QSER1: variants seen among roughly 807,000 people sequenced by gnomAD.
QSER1 encodes the protein glutamine and serine rich 1.
In QSER1, 49 loss-of-function variants were observed where a neutral mutation model predicts 158.5. That is an observed-to-expected ratio of 0.31 (90% confidence interval 0.25 to 0.39). QSER1 has a LOEUF of 0.39. Among genes scored for constraint, QSER1 ranks in the 10% least tolerant of loss-of-function variants. The probability of loss-of-function intolerance (pLI) is 1.00; values close to 1 mark genes in which losing one functional copy is unlikely to be tolerated. For synonymous variants in QSER1, 650 were observed against 715.5 expected, an observed-to-expected ratio of 0.91 and a Z score of 1.46; for missense variants, 1,754 against 2,010.3, an observed-to-expected ratio of 0.87 and a Z score of 2.44.
At chr11:32,905,045 T>G (rs536438333) in intron 1 of QSER1, among the ~76,000 whole-genome samples, 1 of 152,362 alleles carries the variant, frequency 6.6e-6, no homozygotes, top group South Asian at 2.1e-4. Flanking sequence ...CTTTTACTTG[T>G]CTAATATTTC....
At chr11:32,947,598 C>T (rs1171237597) in intron 4 of QSER1, among the ~76,000 whole-genome samples, 1 of 152,076 alleles carries the variant, frequency 6.6e-6, no homozygotes, top group Admixed American at 6.5e-5. Flanking sequence ...GTGCTTGTTA[C>T]AGCTGGGTTA....
intron 1 of QSER1, among the ~76,000 whole-genome samples, chr11:32,919,287 AT>A (rs979965942): frequency 6.6e-6 from 1 of 152,118 alleles, no homozygotes; most frequent in African/African-American, 2.4e-5. Context: ...GGCCTGGCAA[AT>A]TTTTAAAAGT....
chr11:32,946,287 C>T (rs1369547736), intron 4 of QSER1, among the ~76,000 whole-genome samples: 4 of 152,226 alleles, frequency 2.6e-5, no homozygotes, highest in South Asian at 2.1e-4. Context: ...TGAGGAGCAG[C>T]GTTCCTTTGG....
At chr11:32,942,518 G>A (rs1468071064) in intron 4 of QSER1, among the ~76,000 whole-genome samples, 4 of 151,062 alleles carry the variant, frequency 2.6e-5, no homozygotes, top group African/African-American at 7.3e-5. Flanking sequence ...GTTTTTCTCA[G>A]GTTTGTCAAA....
At chr11:32,965,209 T>A (rs1339994117) in intron 8 of QSER1, among the ~76,000 whole-genome samples, 1 of 152,190 alleles carries the variant, frequency 6.6e-6, no homozygotes, top group African/African-American at 2.4e-5. Flanking sequence ...CCTCCGGGAC[T>A]CAAGCAATCC....
At chr11:32,925,803 C>T (rs986592788) in intron 1 of QSER1, among the ~76,000 whole-genome samples, 4 of 152,166 alleles carry the variant, frequency 2.6e-5, no homozygotes, top group African/African-American at 9.6e-5. Context: ...ACTGGGATTA[C>T]AGGCATGAGC....
chr11:32,894,423 T>C (rs1851528992), intron 1 of QSER1, among the ~76,000 whole-genome samples: 1 of 152,242 alleles, frequency 6.6e-6, no homozygotes, highest in Non-Finnish European at 1.5e-5. Flanking sequence ...GGGTTGCTAA[T>C]GACTTCATCC....
At chr11:32,904,189 C>CTTTTTT (rs370789790) in intron 1 of QSER1, among the ~76,000 whole-genome samples, 7 of 137,228 alleles carry the variant, frequency 5.1e-5, no homozygotes, top group Non-Finnish European at 4.8e-5. Flanking sequence ...ATTTCTTTTT[C>CTTTTTT]TTTTTTTTTT....
At chr11:32,912,115 C>T (rs1289983672) in intron 1 of QSER1, among the ~76,000 whole-genome samples, 2 of 152,130 alleles carry the variant, frequency 1.3e-5, no homozygotes, top group African/African-American at 4.8e-5. Flanking sequence ...TGTAACGATC[C>T]CCAATTTTTT....
intron 11 of QSER1, among the ~76,000 whole-genome samples, chr11:32,973,971 ATAAG>A (rs539140809): frequency 2.6e-4 from 40 of 152,330 alleles, no homozygotes; most frequent in East Asian, 1.9e-3. Flanking sequence ...ATGCACATAG[ATAAG>A]TAAGTGTGCA....
intron 8 of QSER1, among the ~76,000 whole-genome samples, chr11:32,959,925 C>A (rs970417992): frequency 1.1e-4 from 17 of 152,098 alleles, no homozygotes; most frequent in Admixed American, 1.0e-3. Context: ...CCACACCCAG[C>A]TAATTTTTAA....
intron 8 of QSER1, among the ~76,000 whole-genome samples, chr11:32,964,773 C>T (rs930686306): frequency 3.3e-4 from 46 of 140,766 alleles, no homozygotes; most frequent in Admixed American, 2.1e-3. Flanking sequence ...CACACACACA[C>T]ACACACACAT....
intron 9 of QSER1, among the ~76,000 whole-genome samples, chr11:32,967,390 G>A (rs993132998): frequency 6.6e-6 from 1 of 152,100 alleles, no homozygotes; most frequent in Admixed American, 6.6e-5. Context: ...CACTACTTGG[G>A]TGATGGATGC....
At chr11:32,909,643 C>T (rs1851739638) in intron 1 of QSER1, among the ~76,000 whole-genome samples, 1 of 152,088 alleles carries the variant, frequency 6.6e-6, no homozygotes, top group Admixed American at 6.6e-5. Context: ...GGTTTTGCCA[C>T]ATTGGTCAGG....
intron 1 of QSER1, among the ~76,000 whole-genome samples, chr11:32,913,339 C>T (rs956485897): frequency 7.9e-5 from 12 of 151,664 alleles, no homozygotes; most frequent in Non-Finnish European, 1.2e-4. Context: ...TACAGGTGCG[C>T]GCCACCATGC....
intron 8 of QSER1, among the ~76,000 whole-genome samples, chr11:32,962,360 A>T (rs1564945443): frequency 6.6e-6 from 1 of 151,992 alleles, no homozygotes; most frequent in Non-Finnish European, 1.5e-5. Context: ...AAACTGGGTT[A>T]TTTGTCTTTT....
Position 32,955,325 on chromosome 11 carries a change from A to T in QSER1, c.4530A>T (p.Pro1510=), listed in dbSNP as rs760310285. The T allele has an allele frequency of 6.3e-7, 1 of 1,596,614 alleles. No homozygotes were observed. Among genetic ancestry groups the T allele is most frequent in the Non-Finnish European group, 8.5e-7 (1 of 1,173,400 alleles). The change falls in exon 6 of 13, where the codon CCA becomes CCT. Residue 1510 remains proline, a synonymous_variant. Transcript: ENST00000650167. Reference sequence around the variant, plus strand: ...CTTTAAAAACAGGAAAAGAACCTCCAGCTATTTGGAAAGTACAAAAAGCTT... The same window carrying T: ...CTTTAAAAACAGGAAAAGAACCTCCTGCTATTTGGAAAGTACAAAAAGCTT... The part of the protein sequence containing the change: ...KEALKTGKEP[P]AIWKVQKALL...
At chr11:32,895,781 C>T (rs781005748) in intron 1 of QSER1, among the ~76,000 whole-genome samples, 1 of 152,160 alleles carries the variant, frequency 6.6e-6, no homozygotes, top group Non-Finnish European at 1.5e-5. Context: ...CCTTCTTGGT[C>T]TTGAAATACA....
chr11:32,968,923 A>C (rs1461596016), intron 9 of QSER1, 123 bp from the exon 10 acceptor site: 1 of 554,796 alleles, frequency 1.8e-6, no homozygotes, highest in Non-Finnish European at 3.1e-6. Context: ...TTTTGCAATC[A>C]GTATTTTACA....
Sources: gnomAD v4.1 joint callset for allele counts (sites outside exome capture counted in the v4.1 genomes callset) on GRCh38, gnomAD v4.1.1 for gene constraint, MANE v1.5 for transcripts, NCBI Gene and HGNC (gene_info 2026-07-23, HGNC 2026-07-21) for gene names.